The following AOPEP variants were observed in gnomAD, a reference collection of about 807,000 sequenced individuals.
AOPEP encodes the protein aminopeptidase O.
Under a neutral mutation model 98.1 loss-of-function variants are expected in AOPEP, and 77 were observed. The observed-to-expected ratio is 0.78, with a 90% CI of 0.65 to 0.95. AOPEP has a LOEUF of 0.95. Among genes scored for constraint, AOPEP ranks in the 40% least tolerant of loss-of-function variants. AOPEP has a pLI of 0.00. For synonymous variants in AOPEP, 346 were observed against 365.3 expected (o/e 0.95, Z 0.60); for missense variants, 1,024 against 1,024.7 (o/e 1.00, Z 0.01).
chr9:94,769,257 A>T (rs1308704778), intron 2 of AOPEP, among the ~76,000 whole-genome samples: 1 of 152,186 alleles, frequency 6.6e-6, no homozygotes, highest in East Asian at 1.9e-4. Context: ...AAATGTAGCT[A>T]CCCAACTGTA....
intron 5 of AOPEP, among the ~76,000 whole-genome samples, chr9:94,887,529 C>A (rs2048376183): frequency 6.6e-6 from 1 of 152,090 alleles, no homozygotes; most frequent in African/African-American, 2.4e-5. Context: ...GGGGCTTCTA[C>A]TACTTACTTC....
chr9:94,820,644 A>G (rs961524915), intron 5 of AOPEP, among the ~76,000 whole-genome samples: 3 of 152,254 alleles, frequency 2.0e-5, no homozygotes, highest in African/African-American at 7.2e-5. Context: ...TAGTCAGTGA[A>G]TCACAAAGAT....
At chr9:95,126,282 CTAT>C in the AOPEP span, among the ~76,000 whole-genome samples, 2 of 151,928 alleles carry the variant, frequency 1.3e-5, no homozygotes, top group African/African-American at 4.9e-5. Context: ...TTCTGTGTTT[CTAT>C]TATTAGAATC....
In AOPEP at chr9:94,928,405, G is replaced by T; in HGVS notation, c.1555-20G>T. 2 of 1,525,078 alleles carry T rather than the reference G, an allele frequency of 1.3e-6. No individual in the cohort carries two copies. The highest frequency in any genetic ancestry group is 1.2e-5 in the South Asian group (1 of 83,560). 94.5% of individuals were successfully genotyped at this position (1,525,078 alleles called of 1,614,324 possible). The stretch of plus-strand genomic sequence containing the variant: ...GACTGTGTTTTGTGCATGTGTGTCT[G>T]TGTGTCTGTGGCTGAGCAGCTGGCC... On this transcript the variant is annotated intron_variant, in intron 6 of 16. Transcript: ENST00000375315.
At chr9:94,901,135 A>G (rs889804964) in intron 5 of AOPEP, among the ~76,000 whole-genome samples, 1 of 152,204 alleles carries the variant, frequency 6.6e-6, no homozygotes, top group East Asian at 1.9e-4. Context: ...TATCAAAACA[A>G]TTAGAATGTG....
chr9:95,024,630 G>A lies in AOPEP; in HGVS notation c.2115+19014G>A, dbSNP rs149597723. ...CCCACGTTCCATGAGGCCTTTGGCC[G>A]GTTTGTTTGCCAGAGTGTCTCTGAG... is the stretch of plus-strand genomic sequence containing the variant. On this transcript the variant is annotated intron_variant, in intron 13 of 16. Coordinates refer to ENST00000375315, the MANE Select transcript of AOPEP (RefSeq NM_001193329.3). 2.6e-5 allele frequency among the ~76,000 whole-genome samples: 4 copies of A among 152,346 alleles called. No individual in the cohort carries two copies. The East Asian group carries it at 5.8e-4, about 22-fold the overall frequency.
At chr9:95,039,725 T>C (rs1481725816) in intron 13 of AOPEP, among the ~76,000 whole-genome samples, 5 of 141,428 alleles carry the variant, frequency 3.5e-5, no homozygotes, top group African/African-American at 1.3e-4. Context: ...ATCCCTGCTA[T>C]AGACATGTTT....
the AOPEP span, among the ~76,000 whole-genome samples, chr9:95,142,959 C>T: frequency 6.6e-6 from 1 of 152,208 alleles, no homozygotes; most frequent in African/African-American, 2.4e-5. Flanking sequence ...CATTAGCACA[C>T]ACCCCACAGG....
intron 1 of AOPEP, among the ~76,000 whole-genome samples, chr9:94,740,528 T>C (rs949719031): frequency 6.6e-6 from 1 of 152,180 alleles, no homozygotes; most frequent in African/African-American, 2.4e-5. Context: ...AGTGATTCTT[T>C]TGGGAGCATT....
chr9:95,022,447 C>T (rs1012587426), intron 13 of AOPEP, among the ~76,000 whole-genome samples: 1 of 152,174 alleles, frequency 6.6e-6, no homozygotes, highest in Admixed American at 6.5e-5. Context: ...AAGCGATTCT[C>T]CTGCCTCAGC....
chr9:94,883,983 G>A (rs971163777), intron 5 of AOPEP, among the ~76,000 whole-genome samples: 2 of 152,164 alleles, frequency 1.3e-5, no homozygotes, highest in African/African-American at 4.8e-5. Flanking sequence ...GATCCATCAG[G>A]ACTAGACCCC....
the AOPEP span, among the ~76,000 whole-genome samples, chr9:95,118,674 C>G: frequency 2.6e-5 from 4 of 152,280 alleles, no homozygotes; most frequent in South Asian, 2.1e-4. Flanking sequence ...AGTATGTTTT[C>G]TTTTGTGTCT....
the AOPEP span, among the ~76,000 whole-genome samples, chr9:95,098,087 T>C: frequency 6.6e-6 from 1 of 152,158 alleles, no homozygotes; most frequent in South Asian, 2.1e-4. Flanking sequence ...CAAAAAAATT[T>C]TGGATTCCTT....
chr9:94,825,101 C>T (rs1334453023), intron 5 of AOPEP, among the ~76,000 whole-genome samples: 1 of 152,070 alleles, frequency 6.6e-6, no homozygotes, highest in African/African-American at 2.4e-5. Context: ...GGGAGCACAG[C>T]AGATTGGGGA....
At chr9:95,048,267 A>T (rs1021463804) in intron 13 of AOPEP, among the ~76,000 whole-genome samples, 1 of 152,140 alleles carries the variant, frequency 6.6e-6, no homozygotes, top group African/African-American at 2.4e-5. Context: ...AAGTCCTCAC[A>T]TTGTGTAAGT....
At chr9:94,806,708 G>T (rs1207287692) in intron 5 of AOPEP, among the ~76,000 whole-genome samples, 1 of 152,100 alleles carries the variant, frequency 6.6e-6, no homozygotes, top group African/African-American at 2.4e-5. Context: ...TCATTTTTGT[G>T]TTCCTGAAAT....
intron 5 of AOPEP, among the ~76,000 whole-genome samples, chr9:94,907,170 A>G (rs1416390384): frequency 2.0e-5 from 3 of 152,316 alleles, no homozygotes; most frequent in Non-Finnish European, 2.9e-5. Flanking sequence ...GGACATTACT[A>G]ATTTCCTAAG....
At chr9:95,028,402 T>A (rs1354289673) in intron 13 of AOPEP, among the ~76,000 whole-genome samples, 2 of 152,206 alleles carry the variant, frequency 1.3e-5, no homozygotes, top group Non-Finnish European at 2.9e-5. Flanking sequence ...CACAGTGCAT[T>A]CCAGCAGACT....
At chr9:94,806,834 G>GT (rs1261021717) in intron 5 of AOPEP, among the ~76,000 whole-genome samples, 3 of 152,188 alleles carry the variant, frequency 2.0e-5, no homozygotes, top group African/African-American at 7.2e-5. Context: ...TAGTGAGAAT[G>GT]TGTGTGTATG....
Sources: allele counts gnomAD v4.1 joint callset (sites outside exome capture counted in the v4.1 genomes callset), GRCh38; gene constraint gnomAD v4.1.1; transcripts MANE v1.5; gene names NCBI Gene and HGNC (gene_info 2026-07-23, HGNC 2026-07-21).